Variants in ZNF618 observed in about 807,000 individuals in gnomAD.
The protein encoded by ZNF618 is neural precursor cell expressed, developmentally down-regulated 10.
ZNF618 carries 34 observed loss-of-function variants against 103.0 expected under a neutral mutation model. The ratio of observed to expected loss-of-function variants is 0.33; its 90% CI spans 0.25 to 0.44. ZNF618 has a LOEUF of 0.44. Among genes scored for constraint, ZNF618 ranks in the 20% least tolerant of loss-of-function variants. The probability of loss-of-function intolerance (pLI) is 1.00; values close to 1 mark genes in which losing one functional copy is unlikely to be tolerated. For missense variants in ZNF618, 1,059 were observed against 1,295.4 expected (o/e 0.82, Z 2.80); for synonymous variants, 551 against 542.2 (o/e 1.02, Z -0.23).
chr9:113,889,766 AC>A (rs1197084573), intron 1 of ZNF618, among the ~76,000 whole-genome samples: 1 of 151,418 alleles, frequency 6.6e-6, no homozygotes, highest in Non-Finnish European at 1.5e-5. Flanking sequence ...CCATCTTTCC[AC>A]CCTTCAGACG....
intron 2 of ZNF618, among the ~76,000 whole-genome samples, chr9:113,972,360 A>T (rs1838051950): frequency 6.6e-6 from 1 of 152,124 alleles, no homozygotes; most frequent in South Asian, 2.1e-4. Context: ...TTATTTATTA[A>T]TTTAATGTAA....
chr9:114,035,138 C>G, intron 12 of ZNF618: 1 of 979,924 alleles, frequency 1.0e-6, no homozygotes, highest in Non-Finnish European at 1.2e-6. Flanking sequence ...TTATGACTAT[C>G]AGCACAGAAC....
chr9:114,036,912 G>A (rs1168392245), intron 13 of ZNF618, among the ~76,000 whole-genome samples: 1 of 152,168 alleles, frequency 6.6e-6, no homozygotes, highest in Non-Finnish European at 1.5e-5. Flanking sequence ...CAGATTTCTA[G>A]GCTCCATTGT....
chr9:113,913,755 A>C (rs1212769115), intron 1 of ZNF618, among the ~76,000 whole-genome samples: 1 of 152,156 alleles, frequency 6.6e-6, no homozygotes, highest in Non-Finnish European at 1.5e-5. Flanking sequence ...GTGCTGTGGA[A>C]AGACTGTTGT....
rs570377657 is a variant in ZNF618 at position 113,983,075 on chromosome 9, C to T, written c.78-5246C>T. ...TATATATAAATCTATTTTACAGCGA[C>T]ACAAATAGAATAGATTATGGAGTGT... On this transcript the variant is annotated intron_variant, in intron 2 of 14. Coordinates refer to ENST00000374126, the MANE Select transcript of ZNF618 (RefSeq NM_001318042.2). Among the ~76,000 whole-genome samples, 14 of 152,214 alleles carry T rather than the reference C, an allele frequency of 9.2e-5. No individual in the cohort carries two copies. The South Asian group carries it at 2.9e-3, about 32-fold the overall frequency.
intron 1 of ZNF618, among the ~76,000 whole-genome samples, chr9:113,893,539 T>G (rs1829789085): frequency 6.6e-6 from 1 of 152,210 alleles, no homozygotes; most frequent in African/African-American, 2.4e-5. Context: ...TTTTTATTAT[T>G]TAAGTCATAA....
chr9:113,966,919 A>G (rs1204072855), intron 1 of ZNF618, among the ~76,000 whole-genome samples: 2 of 152,242 alleles, frequency 1.3e-5, no homozygotes, highest in African/African-American at 4.8e-5. Flanking sequence ...ACAGAAATGC[A>G]TGCAGCTACC....
intron 9 of ZNF618, 143 bp from the exon 10 acceptor site, chr9:114,016,552 G>A (rs961675482): frequency 1.5e-6 from 1 of 663,324 alleles, no homozygotes. Context: ...ATTTGAATAG[G>A]GGTCTTCTAA....
chr9:113,887,518 G>C (rs1829190856), intron 1 of ZNF618, among the ~76,000 whole-genome samples: 2 of 152,192 alleles, frequency 1.3e-5, no homozygotes, highest in Admixed American at 1.3e-4. Flanking sequence ...TTTGGGCATA[G>C]AGACCCAGGT....
intron 5 of ZNF618, 87 bp downstream of exon 5, chr9:114,002,160 C>A: frequency 8.3e-7 from 1 of 1,207,554 alleles, no homozygotes. Context: ...GTGGGTGACC[C>A]CAGAGGCCCT....
chr9:113,951,551 A>ATATCTGTG (rs1430133742), intron 1 of ZNF618, among the ~76,000 whole-genome samples: 1 of 51,196 alleles, frequency 2.0e-5, no homozygotes, highest in Admixed American at 2.6e-4. Flanking sequence ...ATGTACACAT[A>ATATCTGTG]TGTGTGTGTA....
At chr9:113,942,766 A>C (rs2132089634) in intron 1 of ZNF618, among the ~76,000 whole-genome samples, 1 of 152,312 alleles carries the variant, frequency 6.6e-6, no homozygotes, top group Non-Finnish European at 1.5e-5. Context: ...AAATGAGAAA[A>C]ACTGGTTTAG....
chr9:113,901,611 C>T (rs1165583819), intron 1 of ZNF618, among the ~76,000 whole-genome samples: 1 of 152,192 alleles, frequency 6.6e-6, no homozygotes, highest in Non-Finnish European at 1.5e-5. Flanking sequence ...GTTCCCTGGC[C>T]AGAGTCCCCA....
rs187255615 is a variant in ZNF618, at chr9:114,004,983, C to T, written c.550+2321C>T. Among the ~76,000 whole-genome samples the T allele has an allele frequency of 5.0e-4, 76 of 152,298 alleles. 3 individuals are homozygous for T. The East Asian group carries it at 0.014, about 27-fold the overall frequency. ...TGTCCACTAAGGAATAAAAGATTAG[C>T]CCCTCATGCTACTGTCACATTGATA... On this transcript the variant is annotated intron_variant, in intron 6 of 14. Transcript: ENST00000374126.
At chr9:113,984,848 C>T (rs888097114) in intron 2 of ZNF618, among the ~76,000 whole-genome samples, 15 of 152,308 alleles carry the variant, frequency 9.8e-5, no homozygotes, top group Admixed American at 9.8e-4. Context: ...TCACTATCAG[C>T]TTCATCAGCA....
At chr9:114,035,076 T>A in intron 12 of ZNF618, 1 of 714,740 alleles carries the variant, frequency 1.4e-6, no homozygotes, top group African/African-American at 1.9e-5. Context: ...TCTCGGATGC[T>A]CCCCACTCCT....
chr9:113,919,521 C>T (rs560939167), intron 1 of ZNF618, among the ~76,000 whole-genome samples: 53 of 152,326 alleles, frequency 3.5e-4, no homozygotes, highest in Non-Finnish European at 5.0e-4. Flanking sequence ...GCTTGCCATC[C>T]GTGCTGGCAG....
At chr9:113,948,341 A>G (rs868472101) in intron 1 of ZNF618, among the ~76,000 whole-genome samples, 1 of 152,216 alleles carries the variant, frequency 6.6e-6, no homozygotes, top group Non-Finnish European at 1.5e-5. Flanking sequence ...AAGGCGGAAT[A>G]GGGCAGGAAA....
rs1846211889 is a variant in ZNF618 at position 114,052,743 on chromosome 9, G to C, written c.*2576G>C. On this transcript the variant is annotated 3_prime_UTR_variant, in exon 15 of 15. Transcript: ENST00000374126. Reference sequence around the variant, plus strand: ...CTCTACTTGGAGCAAAGTTGTGCTGGTGATGCCCCATTATTGGGCCAGTTG... The same window carrying C: ...CTCTACTTGGAGCAAAGTTGTGCTGCTGATGCCCCATTATTGGGCCAGTTG... 6.6e-6 allele frequency: 1 copy of C among 152,228 alleles called. No individual in the cohort carries two copies. 9.4% of individuals were successfully genotyped at this position (152,228 alleles called of 1,614,324 possible). A position where few individuals can be genotyped will look rare whatever the true frequency, so the allele number is the denominator to read the frequency against.
Sources: allele counts gnomAD v4.1 joint callset (sites outside exome capture counted in the v4.1 genomes callset), GRCh38; gene constraint gnomAD v4.1.1; transcripts MANE v1.5; gene names NCBI Gene and HGNC (gene_info 2026-07-23, HGNC 2026-07-21).